Variants in MFHAS1 observed in about 807,000 individuals in gnomAD.
The protein encoded by MFHAS1 is multifunctional ROCO family signaling regulator 1, also known as malignant fibrous histiocytoma-amplified sequence 1.
In MFHAS1, 50 loss-of-function variants were observed where a neutral mutation model predicts 70.4. The observed-to-expected ratio is 0.71, with a 90% CI of 0.57 to 0.90. The LOEUF (loss-of-function observed/expected upper bound fraction) is 0.90. MFHAS1 is among the 40% of genes least tolerant of loss of function. The pLI is 0.00. For missense variants in MFHAS1, 1,795 were observed against 1,347.6 expected, an observed-to-expected ratio of 1.33 and a Z score of -5.20; for synonymous variants, 952 against 620.0, an observed-to-expected ratio of 1.54 and a Z score of -7.96.
At chr8:8,786,597 T>C (rs1373675584) in intron 2 of MFHAS1, among the ~76,000 whole-genome samples, 1 of 151,972 alleles carries the variant, frequency 6.6e-6, no homozygotes, top group Non-Finnish European at 1.5e-5. Context: ...CCTCAGCAAA[T>C]AAAGCGGGAT....
intron 1 of MFHAS1, among the ~76,000 whole-genome samples, chr8:8,865,423 G>C (rs1808821108): frequency 6.6e-6 from 1 of 151,504 alleles, no homozygotes; most frequent in East Asian, 1.9e-4. Context: ...ACAAAAATCA[G>C]AAATGGGAAA....
intron 1 of MFHAS1, among the ~76,000 whole-genome samples, chr8:8,888,487 C>A (rs1271855657): frequency 6.6e-6 from 1 of 151,544 alleles, no homozygotes; most frequent in Non-Finnish European, 1.5e-5. Context: ...ATGTTGTTAA[C>A]CACCTGCTCC....
At chr8:8,857,226 G>C (rs144688958) in intron 1 of MFHAS1, among the ~76,000 whole-genome samples, 2 of 152,220 alleles carry the variant, frequency 1.3e-5, no homozygotes, top group Middle Eastern at 3.4e-3. Context: ...AATAAATTCC[G>C]CGTGTGGCCC....
chr8:8,808,354 G>A (rs557542815), intron 1 of MFHAS1, among the ~76,000 whole-genome samples: 7 of 152,078 alleles, frequency 4.6e-5, no homozygotes, highest in Middle Eastern at 6.8e-3. Flanking sequence ...CGCTGTAAAC[G>A]CTCCCCACCT....
chr8:8,886,769 C>A (rs554852872), intron 1 of MFHAS1, among the ~76,000 whole-genome samples: 4 of 152,096 alleles, frequency 2.6e-5, no homozygotes, highest in African/African-American at 4.8e-5. Context: ...GACAACTTAA[C>A]GCTTTTATAA....
Position 8,836,560 on chromosome 8 carries a change from T to C in MFHAS1, c.2999-39069A>G, listed in dbSNP as rs537338603. 2.0e-5 allele frequency among the ~76,000 whole-genome samples: 3 copies of C among 152,290 alleles called. No individual in the cohort carries two copies. In the South Asian group the frequency reaches 6.2e-4, roughly 32 times the overall value. ...CACCCAGCCAATTTTGTTTTTTCTG[T>C]GGAGGCAGGGTCTTCCTATGTTGCC... On this transcript the variant is annotated intron_variant, in intron 1 of 2. Coordinates refer to ENST00000276282, the MANE Select transcript of MFHAS1 (RefSeq NM_004225.3).
At chr8:8,848,084 A>G (rs1808100029) in intron 1 of MFHAS1, among the ~76,000 whole-genome samples, 1 of 152,206 alleles carries the variant, frequency 6.6e-6, no homozygotes, top group Admixed American at 6.5e-5. Context: ...AACTGCTGGG[A>G]CAATCATCTG....
chr8:8,858,039 G>A (rs759234998), intron 1 of MFHAS1, among the ~76,000 whole-genome samples: 1 of 152,204 alleles, frequency 6.6e-6, no homozygotes, highest in African/African-American at 2.4e-5. Context: ...AATGACTGGT[G>A]TTCACTGATC....
chr8:8,865,784 T>TA (rs1808832317), intron 1 of MFHAS1, among the ~76,000 whole-genome samples: 1 of 152,182 alleles, frequency 6.6e-6, no homozygotes, highest in Admixed American at 6.5e-5. Flanking sequence ...ATTTAACACT[T>TA]AGTGTCTTAG....
At chr8:8,853,817 C>T (rs555773499) in intron 1 of MFHAS1, among the ~76,000 whole-genome samples, 235 of 152,244 alleles carry the variant, frequency 1.5e-3, no homozygotes, top group Middle Eastern at 3.4e-3. Context: ...CCCCCTACTT[C>T]GGCCTCCCAA....
intron 1 of MFHAS1, among the ~76,000 whole-genome samples, chr8:8,851,875 TCA>T (rs1475145953): frequency 1.3e-5 from 2 of 152,176 alleles, no homozygotes; most frequent in East Asian, 3.8e-4. Flanking sequence ...TGAAAAGCGA[TCA>T]CAGTGTTCTC....
At chr8:8,843,058 G>A (rs1312916723) in intron 1 of MFHAS1, among the ~76,000 whole-genome samples, 3 of 151,800 alleles carry the variant, frequency 2.0e-5, no homozygotes, top group East Asian at 3.9e-4. Context: ...GAGGTCAGGA[G>A]ATCGAGACCA....
intron 1 of MFHAS1, among the ~76,000 whole-genome samples, chr8:8,813,659 T>A (rs1806632467): frequency 6.6e-6 from 1 of 152,168 alleles, no homozygotes; most frequent in South Asian, 2.1e-4. Context: ...AGCTGTACAA[T>A]GTTTGTATTT....
In MFHAS1 at chr8:8,890,991, C is replaced by G. The variant is rs1585077450; in HGVS notation, c.2068G>C (p.Gly690Arg). The change falls in exon 1 of 3, where the codon GGC becomes CGC. Residue 690 changes from glycine to arginine, a missense_variant. Transcript: ENST00000276282. ...WLSWWDSARLGLQAGLTEDRL... is the reference protein window; with the variant it reads ...WLSWWDSARLRLQAGLTEDRL... ...TCCTCGGTCAGACCCGCCTGCAGGCCCAAGCGCGCCGAGTCCCACCAGCTT... is the reference window on the plus strand; with the variant it reads ...TCCTCGGTCAGACCCGCCTGCAGGCGCAAGCGCGCCGAGTCCCACCAGCTT... 1 of 1,613,908 alleles carries G rather than the reference C, an allele frequency of 6.2e-7. No individual in the cohort carries two copies. Among genetic ancestry groups the G allele is most frequent in the Non-Finnish European group, 8.5e-7 (1 of 1,179,976 alleles).
chr8:8,834,510 AT>A (rs1027877526), intron 1 of MFHAS1, among the ~76,000 whole-genome samples: 8 of 152,184 alleles, frequency 5.3e-5, no homozygotes, highest in African/African-American at 1.9e-4. Context: ...CTGTGTTCAC[AT>A]TTGAGATACA....
chr8:8,891,680 A>C lies in MFHAS1; in HGVS notation c.1379T>G (p.Val460Gly). ...SPPPVSKGIE[V>G]TSWTADASRG... Reference sequence around the variant, plus strand: ...GGAGGCATCGGCCGTCCAGCTGGTCACCTCGATGCCCTTGCTCACAGGGGG... The same window carrying C: ...GGAGGCATCGGCCGTCCAGCTGGTCCCCTCGATGCCCTTGCTCACAGGGGG... Residue 460 changes from valine (V) to glycine (G), a missense_variant, in exon 1 of 3, where the codon GTG becomes GGG. Transcript: ENST00000276282. The surrounding 1 kb of genome is among the most constrained non-coding windows in gnomAD (Gnocchi z 5.4). 1 of 1,613,444 alleles carries C rather than the reference A, an allele frequency of 6.2e-7. No individual in the cohort carries two copies. The highest frequency in any genetic ancestry group is 8.5e-7 in the Non-Finnish European group (1 of 1,179,994).
chr8:8,842,738 G>C (rs528372009), intron 1 of MFHAS1, among the ~76,000 whole-genome samples: 18 of 152,222 alleles, frequency 1.2e-4, no homozygotes, highest in Middle Eastern at 3.4e-3. Context: ...CGGACAGCAC[G>C]TTAAAGCTAG....
At chr8:8,833,475 A>C (rs1807485242) in intron 1 of MFHAS1, among the ~76,000 whole-genome samples, 1 of 152,090 alleles carries the variant, frequency 6.6e-6, no homozygotes, top group South Asian at 2.1e-4. Context: ...CAAAAAAATT[A>C]AAAATTAGCC....
In MFHAS1 at chr8:8,812,820, G is replaced by A. The variant is rs564613193; in HGVS notation, c.2999-15329C>T. Among the ~76,000 whole-genome samples the A allele has an allele frequency of 2.4e-4, 36 of 152,082 alleles. No individual in the cohort carries two copies. In the East Asian group the frequency reaches 6.8e-3, roughly 29 times the overall value. On this transcript the variant is annotated intron_variant, in intron 1 of 2. Transcript: ENST00000276282. ...TCTCGCTGTCACCCAGGCTTAGAGT[G>A]CAGTGGAGTGATCTGAGCTCACTGC...
Sources: allele counts gnomAD v4.1 joint callset (sites outside exome capture counted in the v4.1 genomes callset), GRCh38; gene constraint gnomAD v4.1.1; non-coding constraint Gnocchi (gnomAD v3.1); transcripts MANE v1.5; gene names NCBI Gene and HGNC (gene_info 2026-07-23, HGNC 2026-07-21).